The following DHX8 variants were observed in gnomAD, a reference collection of about 807,000 sequenced individuals.
DHX8 encodes ATP-dependent RNA helicase DHX8.
DHX8 carries 67 observed loss-of-function variants against 140.7 expected under a neutral mutation model. The observed-to-expected ratio is 0.48, with a 90% CI of 0.39 to 0.58. The LOEUF is 0.58. DHX8 is among the 20% of genes least tolerant of loss of function. The pLI is 0.00. For missense variants in DHX8, 887 were observed against 1,550.7 expected (o/e 0.57, Z 7.19); for synonymous variants, 533 against 553.2 (o/e 0.96, Z 0.51).
chr17:43,504,760 CA>C lies in DHX8; in HGVS notation c.1664del (p.Gln555ArgfsTer16). On this transcript the variant is annotated frameshift_variant, in exon 12 of 23. Transcript: ENST00000262415. LOFTEE classifies it high-confidence loss of function. ...CAAAGCCTCTTACGGAAAAAAGACCCAGATGTCAATCCTTGAGCAGAGGGAG... is the reference window on the plus strand; with the variant it reads ...CAAAGCCTCTTACGGAAAAAAGACCCGATGTCAATCCTTGAGCAGAGGGAG... ...GNKASYGKKT[Q>X]MSILEQRESL... 1 of 1,614,148 alleles carries C rather than the reference CA, an allele frequency of 6.2e-7. No homozygotes were observed. The highest frequency in any genetic ancestry group is 8.5e-7 in the Non-Finnish European group (1 of 1,180,032).
Position 43,536,395 on chromosome 17 carries a change from C to T in DHX8, c.351-17C>T, listed in dbSNP as rs750319242. ...CTCACTTCCTGCCATCCTCCACTCC[C>T]TATACCCTCTCCCCAGGGACCTCTA... On this transcript the variant is annotated splice_polypyrimidine_tract_variant and intron_variant, in intron 2 of 3. Coordinates refer to the DHX8 transcript ENST00000589898. 6.9e-6 allele frequency: 11 copies of T among 1,604,022 alleles called. No homozygotes were observed. In the South Asian group the frequency reaches 9.9e-5, roughly 14 times the overall value.
intron 9 of DHX8, 83 bp downstream of exon 9, chr17:43,496,351 G>A (rs1175021740): frequency 1.0e-5 from 9 of 900,916 alleles, no homozygotes; most frequent in Non-Finnish European, 1.6e-5. Context: ...TAACCCAGTG[G>A]CTATTAATCA....
chr17:43,530,168 G>A (rs529970715), downstream of DHX8: 3 of 1,556,536 alleles, frequency 1.9e-6, no homozygotes, highest in East Asian at 2.4e-5. Context: ...ACATTGATGC[G>A]CACCCGGTGA....
intron 3 of DHX8, among the ~76,000 whole-genome samples, chr17:43,540,020 C>T (rs1322055391): frequency 6.6e-6 from 1 of 152,166 alleles, no homozygotes; most frequent in Non-Finnish European, 1.5e-5. Context: ...TGACCAAAGA[C>T]ATCAATGAGA....
intron 22 of DHX8, 131 bp from the exon 23 acceptor site, chr17:43,523,497 G>T: frequency 7.0e-7 from 1 of 1,419,210 alleles, no homozygotes; most frequent in Non-Finnish European, 9.5e-7. Context: ...ACAGACTGCA[G>T]TCTTATAGGT....
At chr17:43,496,373 G>T in intron 9 of DHX8, 105 bp downstream of exon 9, 1 of 728,306 alleles carries the variant, frequency 1.4e-6, no homozygotes, top group Non-Finnish European at 2.3e-6. Flanking sequence ...TTGTTCTTTG[G>T]ATCTCACTAC....
At chr17:43,528,462 C>A, downstream of DHX8, 1 of 1,200,456 alleles carries the variant, frequency 8.3e-7, no homozygotes, top group East Asian at 2.4e-5. Flanking sequence ...ACACCAGATT[C>A]ATTTATATGT....
chr17:43,493,145 T>G (rs1186846882), intron 6 of DHX8, 105 bp downstream of exon 6: 19 of 1,452,976 alleles, frequency 1.3e-5, no homozygotes, highest in Non-Finnish European at 1.7e-5. Flanking sequence ...GACACTTTAG[T>G]CAAATCAGCC....
At position 43,492,291 on chromosome 17, in the gene DHX8, C is replaced by T. The variant is rs763361308; in HGVS notation, c.502C>T (p.Arg168Trp). 19 of 1,611,962 alleles carry T rather than the reference C, an allele frequency of 1.2e-5. No homozygotes were observed. Among genetic ancestry groups the T allele is most frequent in the Middle Eastern group, 1.6e-4 (1 of 6,072 alleles). Reference sequence around the variant, plus strand: ...GGAGAAGCAAAGAGATGCTGAACACCGGTTTGTCCTTAGTGTCCTGTCCTT... The same window carrying T: ...GGAGAAGCAAAGAGATGCTGAACACTGGTTTGTCCTTAGTGTCCTGTCCTT... ...GQEKQRDAEHRDRTKKKKRSR... is the reference protein window; with the variant it reads ...GQEKQRDAEHWDRTKKKKRSR... Residue 168 changes from arginine to tryptophan, a missense_variant and splice_region_variant, in exon 5 of 23, where the codon CGG becomes TGG. Physicochemically the swap from Arg to Trp is moderately radical, Grantham distance 101. This residue lies in a region of DHX8 where 304 missense variants were observed against 306.9 expected (regional missense o/e 0.99). Transcript: ENST00000262415.
chr17:43,512,969 G>GA (rs1296588118), intron 16 of DHX8, among the ~76,000 whole-genome samples: 1 of 152,058 alleles, frequency 6.6e-6, no homozygotes, highest in African/African-American at 2.4e-5. Flanking sequence ...GTAGGGGAAA[G>GA]AAAAATCTCA....
chr17:43,507,317 G>T (rs1969549712), intron 13 of DHX8, 120 bp downstream of exon 13: 1 of 1,208,178 alleles, frequency 8.3e-7, no homozygotes, highest in East Asian at 2.5e-5. Context: ...GGGAGAGAGG[G>T]TTCCCATTGT....
At chr17:43,494,342 G>A (rs1968719082) in intron 8 of DHX8, among the ~76,000 whole-genome samples, 1 of 152,130 alleles carries the variant, frequency 6.6e-6, no homozygotes, top group Non-Finnish European at 1.5e-5. Context: ...TATTAGCCGT[G>A]TAATCCTTAG....
chr17:43,497,954 T>C (rs1968957641), intron 9 of DHX8, among the ~76,000 whole-genome samples: 1 of 152,218 alleles, frequency 6.6e-6, no homozygotes, highest in South Asian at 2.1e-4. Context: ...TGAAGTTGGA[T>C]GGCAAATGCC....
intron 9 of DHX8, among the ~76,000 whole-genome samples, chr17:43,497,216 CTT>C (rs913514727): frequency 1.3e-5 from 2 of 150,362 alleles, no homozygotes; most frequent in Non-Finnish European, 1.5e-5. Context: ...ACTCATTTTT[CTT>C]TTTTTTTGAC....
intron 2 of DHX8, among the ~76,000 whole-genome samples, chr17:43,535,797 G>C (rs1377956591): frequency 6.6e-6 from 1 of 152,176 alleles, no homozygotes; most frequent in African/African-American, 2.4e-5. Context: ...ATTGTCCCCA[G>C]TTTATGGAAG....
rs1053405883 is a variant in DHX8 at position 43,520,311 on chromosome 17, T to G, written c.2937+44T>G. The stretch of plus-strand genomic sequence containing the variant: ...TTCCTGTGCTTTTGGGAAGATTCCC[T>G]GGTCAGCCTTTCACATCCTTCGGTC... On this transcript the variant is annotated intron_variant, in intron 19 of 22. Coordinates refer to ENST00000262415, the MANE Select transcript of DHX8 (RefSeq NM_004941.3). The G allele has an allele frequency of 1.9e-6, 3 of 1,604,356 alleles. No individual in the cohort carries two copies. The African/African-American group carries it at 4.0e-5, about 21-fold the overall frequency.
chr17:43,492,490 G>A (rs1355929504), intron 5 of DHX8, among the ~76,000 whole-genome samples, 191 bp from the exon 6 acceptor site: 1 of 152,214 alleles, frequency 6.6e-6, no homozygotes, highest in Non-Finnish European at 1.5e-5. Flanking sequence ...AGTCAGGGTT[G>A]AAAGAGGCTG....
chr17:43,523,507 T>C, intron 22 of DHX8, 121 bp from the exon 23 acceptor site: 1 of 1,466,754 alleles, frequency 6.8e-7, no homozygotes, highest in Non-Finnish European at 9.1e-7. Context: ...GTCTTATAGG[T>C]GTCAGGCAGG....
In DHX8 at chr17:43,492,738, CAG is replaced by C. The variant is rs1968603400; in HGVS notation, c.565_566del (p.Asp189Ter). 6.2e-7 allele frequency: 1 copy of C among 1,613,536 alleles called. No homozygotes were observed. The highest frequency in any genetic ancestry group is 8.5e-7 in the Non-Finnish European group (1 of 1,179,572). ...RSRDRNRDRD[R>X]DRERNRDRDH... ...GCCGAGATCGAAACCGAGATCGAGA[CAG>C]AGATAGGGAACGAAACCGAGATAGA... On this transcript the variant is annotated frameshift_variant, in exon 6 of 23. Transcript: ENST00000262415. LOFTEE classifies it high-confidence loss of function.
Sources: allele counts gnomAD v4.1 joint callset (sites outside exome capture counted in the v4.1 genomes callset), GRCh38; gene constraint gnomAD v4.1.1; regional missense constraint gnomAD v4.1.1; transcripts MANE v1.5; gene names NCBI Gene and HGNC (gene_info 2026-07-23, HGNC 2026-07-21).